The following TRMT44 variants were observed in gnomAD, a reference collection of about 807,000 sequenced individuals.
The protein encoded by TRMT44 is tRNA methyltransferase 44 homolog.
In TRMT44, 78 loss-of-function variants were observed where a neutral mutation model predicts 77.3. The ratio of observed to expected loss-of-function variants is 1.01; its 90% CI spans 0.84 to 1.22. TRMT44 has a LOEUF of 1.22. TRMT44 is among the 50% of genes most tolerant of loss of function. TRMT44 has a pLI of 0.00. For synonymous variants in TRMT44, 391 were observed against 383.3 expected (o/e 1.02, Z -0.23); for missense variants, 1,090 against 964.4 (o/e 1.13, Z -1.73).
At chr4:8,487,461 G>C (rs1485781027) in intron 2 of TRMT44, among the ~76,000 whole-genome samples, 3 of 151,992 alleles carry the variant, frequency 2.0e-5, no homozygotes, top group Admixed American at 6.6e-5. Flanking sequence ...TAAGAGGTCG[G>C]GGCATGGAAA....
downstream of TRMT44, among the ~76,000 whole-genome samples, chr4:8,480,464 G>A (rs1262957766): frequency 6.6e-6 from 1 of 152,210 alleles, no homozygotes; most frequent in Non-Finnish European, 1.5e-5. Flanking sequence ...GGTTTGTGAA[G>A]TTGTATGTAT....
intron 10 of TRMT44, among the ~76,000 whole-genome samples, chr4:8,471,620 G>A (rs929644864): frequency 4.6e-5 from 7 of 152,238 alleles, no homozygotes; most frequent in Admixed American, 4.6e-4. Context: ...AGTGGGAAGA[G>A]TGAGCCCTGC....
In TRMT44 at chr4:8,443,428, T is replaced by A. The variant is rs148791428; in HGVS notation, c.619+1987T>A. Among the ~76,000 whole-genome samples the A allele has an allele frequency of 1.3e-3, 197 of 152,354 alleles. 3 individuals carry two copies. In the East Asian group the frequency reaches 0.032, roughly 25 times the overall value. On this transcript the variant is annotated intron_variant, in intron 1 of 10. Coordinates refer to ENST00000389737, the MANE Select transcript of TRMT44 (RefSeq NM_152544.3). ...CCAGGAAGGCTCACCAGAGGACTTG[T>A]ATCCTCCATGGAATATAGACAGCCT...
At position 8,444,573 on chromosome 4, in the gene TRMT44, T is replaced by A. The variant is rs1724947990; in HGVS notation, c.620-1903T>A. ...CCACGACGCCCAGCTAATTTTTGTATTTTTCGTAGAGATGGGGTTTCACCA... is the reference window on the plus strand; with the variant it reads ...CCACGACGCCCAGCTAATTTTTGTAATTTTCGTAGAGATGGGGTTTCACCA... On this transcript the variant is annotated intron_variant, in intron 1 of 10. Transcript: ENST00000389737. The surrounding 1 kb of genome is among the most constrained non-coding windows in gnomAD (Gnocchi z 4.0). Among the ~76,000 whole-genome samples, 5 of 152,192 alleles carry A rather than the reference T, an allele frequency of 3.3e-5. No individual in the cohort carries two copies. Among genetic ancestry groups the A allele is most frequent in the Admixed American group, 3.3e-4 (5 of 15,278 alleles).
At chr4:8,513,280 G>A in the TRMT44 span, among the ~76,000 whole-genome samples, 7 of 152,316 alleles carry the variant, frequency 4.6e-5, no homozygotes, top group East Asian at 3.9e-4. Flanking sequence ...TTACATGGCT[G>A]GCAGCAGGCA....
chr4:8,471,257 T>G (rs543377662), intron 10 of TRMT44, 57 bp downstream of exon 10: 1 of 1,225,826 alleles, frequency 8.2e-7, no homozygotes, highest in Admixed American at 2.3e-5. Flanking sequence ...CTTTTTTCAG[T>G]TAAATAATGT....
chr4:8,443,972 A>T (rs971876051), intron 1 of TRMT44, among the ~76,000 whole-genome samples: 12 of 151,692 alleles, frequency 7.9e-5, no homozygotes, highest in Admixed American at 5.9e-4. Context: ...AAAAAAAAAA[A>T]GGAATGTGAC....
At chr4:8,488,056 A>G (rs1727871700) in intron 2 of TRMT44, among the ~76,000 whole-genome samples, 1 of 152,156 alleles carries the variant, frequency 6.6e-6, no homozygotes, top group Non-Finnish European at 1.5e-5. Context: ...TTGAAAGGAG[A>G]AAGAGGTTGA....
chr4:8,475,558 C>T (rs1349734526), intron 10 of TRMT44, among the ~76,000 whole-genome samples: 1 of 152,208 alleles, frequency 6.6e-6, no homozygotes, highest in African/African-American at 2.4e-5. Flanking sequence ...GCAGGGCTCA[C>T]CTTCCCCGGC....
At chr4:8,498,964 G>T in the TRMT44 span, among the ~76,000 whole-genome samples, 1 of 152,132 alleles carries the variant, frequency 6.6e-6, no homozygotes, top group African/African-American at 2.4e-5. The surrounding 1 kb of genome is among the most constrained non-coding windows in gnomAD (Gnocchi z 4.3). Flanking sequence ...AGCTTGAGAG[G>T]TAAGGGGGTC....
At chr4:8,503,464 C>T in the TRMT44 span, among the ~76,000 whole-genome samples, 27 of 152,190 alleles carry the variant, frequency 1.8e-4, no homozygotes, top group Admixed American at 1.5e-3. Context: ...GGCCATGCAC[C>T]CACCAGCAAG....
chr4:8,449,718 A>G lies in TRMT44; in HGVS notation c.784A>G (p.Ile262Val). The G allele has an allele frequency of 6.5e-7, 1 of 1,536,074 alleles. No individual in the cohort carries two copies. Among genetic ancestry groups the G allele is most frequent in the Non-Finnish European group, 8.7e-7 (1 of 1,146,898 alleles). The change falls in exon 3 of 11, where the codon ATC becomes GTC. Residue 262 changes from isoleucine to valine, a missense_variant. Ile to Val is a conservative substitution (Grantham distance 29). Coordinates refer to ENST00000389737, the MANE Select transcript of TRMT44 (RefSeq NM_152544.3). ...TCCAGAAAGATGGCATTCAGATGGA[A>G]TCGTGTATCCCAAACCCACGTGGCT... Reference protein sequence around the residue: ...FCPERWHSDGIVYPKPTWLGE... With the variant: ...FCPERWHSDGVVYPKPTWLGE...
chr4:8,484,440 C>T (rs1330050703), intron 2 of TRMT44, among the ~76,000 whole-genome samples: 1 of 152,076 alleles, frequency 6.6e-6, no homozygotes. Context: ...GTGAGTTGAG[C>T]ATAGTTTGTG....
At chr4:8,485,290 A>AG (rs1158545060) in intron 2 of TRMT44, among the ~76,000 whole-genome samples, 3 of 152,164 alleles carry the variant, frequency 2.0e-5, no homozygotes, top group Non-Finnish European at 4.4e-5. Flanking sequence ...TGAGTTGTGG[A>AG]GGGAGGTATT....
intron 10 of TRMT44, among the ~76,000 whole-genome samples, chr4:8,472,576 GCA>G (rs143026797): frequency 0.019 from 2,957 of 152,234 alleles, 53 homozygotes; most frequent in African/African-American, 0.048. Flanking sequence ...GTGGGTTTGT[GCA>G]CACACACACA....
chr4:8,466,084 C>T (rs1726523805), intron 8 of TRMT44, among the ~76,000 whole-genome samples: 2 of 152,234 alleles, frequency 1.3e-5, no homozygotes, highest in Admixed American at 1.3e-4. Flanking sequence ...ACAGGGCAGA[C>T]TTATGCCCTC....
chr4:8,494,475 T>C (rs1308840947), downstream of TRMT44, among the ~76,000 whole-genome samples: 4 of 152,218 alleles, frequency 2.6e-5, no homozygotes, highest in Non-Finnish European at 5.9e-5. Context: ...GACTAAGTTG[T>C]GTATTCAGTG....
rs1022380345 is a variant in TRMT44, at chr4:8,451,138, G to C, written c.955-822G>C. On this transcript the variant is annotated intron_variant, in intron 3 of 10. Transcript: ENST00000389737. This position sits in a 1 kb window ranked among gnomAD's most constrained non-coding sequence, Gnocchi z 4.1. ...CCCCAAAGGTCACAGGCTTAAAGCT[G>C]TGACCTTTCATTATTGCTGAAGCAC... is the stretch of plus-strand genomic sequence containing the variant. 1.3e-5 allele frequency among the ~76,000 whole-genome samples: 2 copies of C among 152,204 alleles called. No individual in the cohort carries two copies. The highest frequency in any genetic ancestry group is 1.3e-4 in the Admixed American group (2 of 15,290).
chr4:8,467,909 C>T lies in TRMT44; in HGVS notation c.1495-5C>T, dbSNP rs199727087. ...AAATACTTGCTTTGCTTTCTTCAAA[C>T]GCAGGTCTGTCTCGTTGGAAAATCC... is the stretch of plus-strand genomic sequence containing the variant. On this transcript the variant is annotated splice_region_variant and splice_polypyrimidine_tract_variant and intron_variant, in intron 8 of 10. Transcript: ENST00000389737. The T allele has an allele frequency of 5.3e-4, 838 of 1,589,266 alleles. No homozygotes were observed. Among genetic ancestry groups the T allele is most frequent in the Non-Finnish European group, 6.7e-4 (784 of 1,164,500 alleles).
Sources: allele counts gnomAD v4.1 joint callset (sites outside exome capture counted in the v4.1 genomes callset), GRCh38; gene constraint gnomAD v4.1.1; non-coding constraint Gnocchi (gnomAD v3.1); transcripts MANE v1.5; gene names NCBI Gene and HGNC (gene_info 2026-07-23, HGNC 2026-07-21).